The following DIP2A variants were observed in gnomAD, a reference collection of about 807,000 sequenced individuals.
The protein encoded by DIP2A is DIP2 acetate--CoA ligase A.
In DIP2A, 85 loss-of-function variants were observed where a neutral mutation model predicts 177.4. The observed-to-expected ratio is 0.48, with a 90% CI of 0.40 to 0.57. DIP2A has a LOEUF of 0.57. DIP2A is among the 20% of genes least tolerant of loss of function. The probability of loss-of-function intolerance (pLI) is 0.00; values close to 1 mark genes in which losing one functional copy is unlikely to be tolerated. For synonymous variants in DIP2A, 886 were observed against 881.8 expected (o/e 1.00, Z -0.08); for missense variants, 1,791 against 2,100.2 (o/e 0.85, Z 2.88).
At chr21:46,517,142 G>T (rs1457467905) in intron 8 of DIP2A, among the ~76,000 whole-genome samples, 1 of 135,330 alleles carries the variant, frequency 7.4e-6, no homozygotes, top group East Asian at 2.5e-4. Context: ...ACTCACTGCA[G>T]CCTTGACTTC....
At chr21:46,514,117 A>G (rs1423561447) in intron 8 of DIP2A, among the ~76,000 whole-genome samples, 1 of 152,056 alleles carries the variant, frequency 6.6e-6, no homozygotes, top group Non-Finnish European at 1.5e-5. Flanking sequence ...ATAGAATTGC[A>G]ATCTATATTA....
At chr21:46,509,473 C>T in intron 7 of DIP2A, 97 bp downstream of exon 7, 2 of 1,410,036 alleles carry the variant, frequency 1.4e-6, no homozygotes, top group Non-Finnish European at 1.9e-6. Context: ...ATGGATATTG[C>T]TATATATATT....
intron 9 of DIP2A, among the ~76,000 whole-genome samples, chr21:46,531,203 A>C (rs2059343519): frequency 6.6e-6 from 1 of 152,008 alleles, no homozygotes; most frequent in South Asian, 2.1e-4. Flanking sequence ...AATCCTCAGC[A>C]CCCACCATCA....
intron 8 of DIP2A, among the ~76,000 whole-genome samples, chr21:46,524,898 T>A (rs2059004022): frequency 1.1e-5 from 1 of 94,692 alleles, no homozygotes; most frequent in African/African-American, 3.6e-5. Context: ...TTTTTTTTTT[T>A]TTTTTTGAGA....
chr21:46,483,611 G>A (rs1171925215), intron 1 of DIP2A, among the ~76,000 whole-genome samples: 2 of 152,242 alleles, frequency 1.3e-5, no homozygotes, highest in East Asian at 3.8e-4. Context: ...CCTACCCAGA[G>A]GCTTCCACTG....
intron 1 of DIP2A, chr21:46,463,265 A>T (rs373902085): frequency 2.2e-4 from 33 of 152,350 alleles, no homozygotes; most frequent in African/African-American, 7.9e-4. Context: ...TTAATTCCCA[A>T]ACCTTTGTGC....
chr21:46,480,050 T>G (rs2148401959), intron 1 of DIP2A, among the ~76,000 whole-genome samples: 1 of 144,662 alleles, frequency 6.9e-6, no homozygotes, highest in African/African-American at 2.5e-5. Flanking sequence ...GCTTGGAGAC[T>G]GCCTGTATTT....
chr21:46,506,968 T>C (rs1472500453), intron 6 of DIP2A, among the ~76,000 whole-genome samples: 1 of 151,858 alleles, frequency 6.6e-6, no homozygotes, highest in Non-Finnish European at 1.5e-5. Context: ...GCCTGGCTAA[T>C]TTTTGTCTTT....
At chr21:46,484,220 G>A (rs2056541321) in intron 1 of DIP2A, among the ~76,000 whole-genome samples, 1 of 152,164 alleles carries the variant, frequency 6.6e-6, no homozygotes, top group Non-Finnish European at 1.5e-5. Flanking sequence ...TGGCCTTAGA[G>A]TTTGCATTTT....
downstream of DIP2A, among the ~76,000 whole-genome samples, chr21:46,572,223 C>T (rs2060974047): frequency 1.3e-5 from 2 of 152,056 alleles, no homozygotes; most frequent in African/African-American, 4.8e-5. Context: ...AATGTTTTTA[C>T]AAAATAGCCA....
At position 46,554,475 on chromosome 21, in the gene DIP2A, C is replaced by A. The variant is rs7280382; in HGVS notation, c.3155-100C>A. 2.0e-5 allele frequency: 31 copies of A among 1,546,208 alleles called. No homozygotes were observed. The South Asian group carries it at 3.4e-4, about 17-fold the overall frequency. ...GAAACCCAGGAGTCACCCATGCCCC[C>A]CCAGCACCACCTCCCCTCCTCTCTC... On this transcript the variant is annotated intron_variant, in intron 26 of 37. Coordinates refer to ENST00000417564, the MANE Select transcript of DIP2A (RefSeq NM_015151.4).
chr21:46,463,788 A>G (rs1266676675), intron 1 of DIP2A, among the ~76,000 whole-genome samples: 1 of 150,904 alleles, frequency 6.6e-6, no homozygotes, highest in Non-Finnish European at 1.5e-5. Flanking sequence ...GGCTCACTGC[A>G]GCCTCCACCT....
At chr21:46,573,570 A>G (rs534232939), downstream of DIP2A, among the ~76,000 whole-genome samples, 10 of 136,472 alleles carry the variant, frequency 7.3e-5, 1 homozygote, top group South Asian at 2.5e-3. Context: ...CTTGAGCCTG[A>G]TGGGTGGAGA....
intron 1 of DIP2A, among the ~76,000 whole-genome samples, chr21:46,463,865 C>A (rs572311631): frequency 2.6e-5 from 4 of 151,936 alleles, no homozygotes; most frequent in African/African-American, 9.6e-5. Context: ...CACGCCATCA[C>A]GCCTGGCTAG....
chr21:46,539,806 C>G, intron 16 of DIP2A, 71 bp from the exon 17 acceptor site: 2 of 1,281,568 alleles, frequency 1.6e-6, no homozygotes, highest in Non-Finnish European at 2.3e-6. Context: ...CTAACTTGAG[C>G]ATGTCCAGCC....
intron 16 of DIP2A, chr21:46,539,630 C>T (rs568146753): frequency 1.6e-5 from 8 of 513,554 alleles, no homozygotes; most frequent in Admixed American, 3.1e-5. Context: ...CCTTCCTGTC[C>T]CTAGTGATGC....
chr21:46,484,110 CATGGGTCCCT>C (rs1438049944), intron 1 of DIP2A, among the ~76,000 whole-genome samples: 1 of 152,152 alleles, frequency 6.6e-6, no homozygotes, highest in Non-Finnish European at 1.5e-5. Context: ...GCTTGTGTCC[CATGGGTCCCT>C]TATTGCAATA....
intron 33 of DIP2A, 68 bp from the exon 34 acceptor site, chr21:46,561,680 A>T (rs372030669): frequency 3.8e-6 from 6 of 1,577,390 alleles, no homozygotes; most frequent in Admixed American, 3.3e-5. Flanking sequence ...CAACGTCATG[A>T]TCTGCCCTTT....
At chr21:46,555,886 A>G (rs1221655129) in intron 28 of DIP2A, 96 bp from the exon 29 acceptor site, 5 of 940,602 alleles carry the variant, frequency 5.3e-6, no homozygotes, top group Non-Finnish European at 8.8e-6. Context: ...CAGGACTCCC[A>G]AGGACAAATC....
Sources: gnomAD v4.1 joint callset for allele counts (sites outside exome capture counted in the v4.1 genomes callset) on GRCh38, gnomAD v4.1.1 for gene constraint, MANE v1.5 for transcripts, NCBI Gene and HGNC (gene_info 2026-07-23, HGNC 2026-07-21) for gene names.